Variants in TFAP2D observed in about 807,000 individuals in gnomAD.
TFAP2D encodes transcription factor AP-2-delta.
TFAP2D carries 9 observed loss-of-function variants against 43.6 expected under a neutral mutation model. The observed-to-expected ratio is 0.21, with a 90% CI of 0.12 to 0.36. The LOEUF is 0.36. TFAP2D is among the 10% of genes least tolerant of loss of function. The probability of loss-of-function intolerance (pLI) is 1.00; values close to 1 mark genes in which losing one functional copy is unlikely to be tolerated. For synonymous variants in TFAP2D, 256 were observed against 224.9 expected, an observed-to-expected ratio of 1.14 and a Z score of -1.24; for missense variants, 513 against 561.4, an observed-to-expected ratio of 0.91 and a Z score of 0.87.
chr6:50,730,649 C>A (rs1768873855), intron 5 of TFAP2D, among the ~76,000 whole-genome samples: 1 of 152,154 alleles, frequency 6.6e-6, no homozygotes, highest in African/African-American at 2.4e-5. Flanking sequence ...AGAGGGGATT[C>A]AAGAATCATA....
chr6:50,767,951 T>C (rs1302080632), intron 7 of TFAP2D, among the ~76,000 whole-genome samples: 2 of 152,232 alleles, frequency 1.3e-5, no homozygotes, highest in African/African-American at 4.8e-5. Flanking sequence ...TCATTGAGGA[T>C]AGAGTTTTAG....
intron 5 of TFAP2D, among the ~76,000 whole-genome samples, chr6:50,737,464 AG>A (rs1768980033): frequency 2.6e-5 from 4 of 152,210 alleles, no homozygotes; most frequent in Admixed American, 2.6e-4. Flanking sequence ...GATTAATATA[AG>A]TTTAAATAAA....
At chr6:50,766,849 T>C (rs1769452010) in intron 7 of TFAP2D, among the ~76,000 whole-genome samples, 1 of 151,638 alleles carries the variant, frequency 6.6e-6, no homozygotes, top group South Asian at 2.1e-4. Context: ...TTTGTATTTT[T>C]AGTAGAGATG....
chr6:50,746,465 T>C (rs531903044), intron 6 of TFAP2D, among the ~76,000 whole-genome samples: 284 of 152,234 alleles, frequency 1.9e-3, no homozygotes, highest in African/African-American at 6.7e-3. Context: ...CTCAAACTCC[T>C]GGGTTCAAGC....
At position 50,726,914 on chromosome 6, in the gene TFAP2D, C is replaced by T. The variant is rs539765275; in HGVS notation, c.599-1942C>T. On this transcript the variant is annotated intron_variant, in intron 3 of 7. Transcript: ENST00000008391. ...GTACAGGAGAATTTGTTTTTAGCTC[C>T]TAAAGCAGGTGTTTACATGGTTTGC... Among the ~76,000 whole-genome samples the T allele has an allele frequency of 5.9e-5, 9 of 152,224 alleles. No individual in the cohort carries two copies. In the East Asian group the frequency reaches 1.7e-3, roughly 29 times the overall value.
intron 3 of TFAP2D, among the ~76,000 whole-genome samples, chr6:50,727,308 C>T (rs1190532387): frequency 1.3e-5 from 2 of 152,140 alleles, no homozygotes; most frequent in Admixed American, 6.5e-5. Context: ...TCTGTCTCCT[C>T]AGGTTTGGGA....
In TFAP2D at chr6:50,717,145, T is replaced by G. The variant is rs1581756625; in HGVS notation, c.537+1532T>G. Among the ~76,000 whole-genome samples, 3 of 152,346 alleles carry G rather than the reference T, an allele frequency of 2.0e-5. 1 individual carries two copies. In the Middle Eastern group the frequency reaches 0.01, roughly 518 times the overall value. On this transcript the variant is annotated intron_variant, in intron 2 of 7. Coordinates refer to ENST00000008391, the MANE Select transcript of TFAP2D (RefSeq NM_172238.4). The stretch of plus-strand genomic sequence containing the variant: ...TTAATAGCCGCGTCTGCTGCTGATT[T>G]TTTTGTATCTGTACAAATTTTTTTT...
At chr6:50,748,687 A>G (rs1350031378) in intron 6 of TFAP2D, among the ~76,000 whole-genome samples, 1 of 151,914 alleles carries the variant, frequency 6.6e-6, no homozygotes, top group Non-Finnish European at 1.5e-5. Context: ...GAATCAGACA[A>G]AACGTGTTTA....
intron 7 of TFAP2D, among the ~76,000 whole-genome samples, chr6:50,757,582 AATTATTCTATATATAT>A: frequency 1.3e-5 from 1 of 75,334 alleles, no homozygotes; most frequent in Non-Finnish European, 2.3e-5. Flanking sequence ...GAATATATAT[AATTATTCTATATATAT>A]AGAATATATA....
chr6:50,763,881 C>A (rs533739267), intron 7 of TFAP2D, among the ~76,000 whole-genome samples: 1 of 152,092 alleles, frequency 6.6e-6, no homozygotes, highest in East Asian at 1.9e-4. Context: ...GGCAAACACA[C>A]GAGAAGCTTT....
At chr6:50,725,787 C>T (rs112731489) in intron 3 of TFAP2D, among the ~76,000 whole-genome samples, 27 of 152,252 alleles carry the variant, frequency 1.8e-4, no homozygotes, top group Non-Finnish European at 2.6e-4. Context: ...CTTTTTTCCA[C>T]CTCTCTAAAG....
At position 50,745,189 on chromosome 6, in the gene TFAP2D, C is replaced by T; in HGVS notation, c.966C>T (p.Ala322=). 6.2e-7 allele frequency: 1 copy of T among 1,613,668 alleles called. No homozygotes were observed. The highest frequency in any genetic ancestry group is 1.1e-5 in the South Asian group (1 of 91,052). The change falls in exon 6 of 8, where the codon GCC becomes GCT. Residue 322 remains alanine (A), a synonymous_variant. Coordinates refer to ENST00000008391, the MANE Select transcript of TFAP2D (RefSeq NM_172238.4). ...FPAKAVGEHL[A]RQHMEQKEQT... ...CCAAAGCAGTAGGAGAACATCTTGCCAGACAACATATGGAACAGAAAGAAC... is the reference window on the plus strand; with the variant it reads ...CCAAAGCAGTAGGAGAACATCTTGCTAGACAACATATGGAACAGAAAGAAC...
intron 3 of TFAP2D, among the ~76,000 whole-genome samples, chr6:50,728,507 G>A (rs867475340): frequency 6.6e-6 from 1 of 152,184 alleles, no homozygotes. Flanking sequence ...GTAATACCTA[G>A]TCTTTGTGAG....
intron 5 of TFAP2D, among the ~76,000 whole-genome samples, chr6:50,735,885 T>C (rs1768955836): frequency 6.6e-6 from 1 of 152,190 alleles, no homozygotes; most frequent in South Asian, 2.1e-4. Flanking sequence ...TGCATGAGAC[T>C]TGTAGGCTTG....
intron 5 of TFAP2D, among the ~76,000 whole-genome samples, chr6:50,733,476 G>C (rs1232751099): frequency 3.3e-5 from 5 of 152,184 alleles, no homozygotes; most frequent in Admixed American, 1.3e-4. Context: ...TTCTTGAAGA[G>C]ATGTTGGAAT....
At position 50,713,990 on chromosome 6, in the gene TFAP2D, A is replaced by ATT; in HGVS notation, c.-58_-57dup. ...AAATTGGAAAATACAAGAAGTTTGG[A>ATT]TTTTTTTTTCCCGATTCTTTTTTTG... On this transcript the variant is annotated 5_prime_UTR_variant, in exon 1 of 8. Transcript: ENST00000008391. The ATT allele has an allele frequency of 6.4e-7, 1 of 1,569,230 alleles. No homozygotes were observed.
At chr6:50,717,313 C>T (rs1768643207) in intron 2 of TFAP2D, among the ~76,000 whole-genome samples, 1 of 152,164 alleles carries the variant, frequency 6.6e-6, no homozygotes, top group South Asian at 2.1e-4. Flanking sequence ...GTCATTTATG[C>T]AATGTCATCC....
In TFAP2D at chr6:50,715,481, C is replaced by T. The variant is rs370979856; in HGVS notation, c.405C>T (p.Gly135=). The part of the protein sequence containing the change: ...SCLDEQRREL[G]CLDAYRRHDL... ...TGGACGAGCAGAGGCGGGAGCTGGG[C>T]TGCCTCGATGCCTACCGCCGCCATG... is the stretch of plus-strand genomic sequence containing the variant. The change falls in exon 2 of 8, where the codon GGC becomes GGT. Residue 135 remains glycine, a synonymous_variant. Transcript: ENST00000008391. 37 of 1,613,920 alleles carry T rather than the reference C, an allele frequency of 2.3e-5. No homozygotes were observed. In the Admixed American group the frequency reaches 2.8e-4, roughly 12 times the overall value.
rs1768563586 is a variant in TFAP2D at position 50,713,566 on chromosome 6, T to C, written c.-490T>C. Among the ~76,000 whole-genome samples, 1 of 152,082 alleles carries C rather than the reference T, an allele frequency of 6.6e-6. No individual in the cohort carries two copies. Among genetic ancestry groups the C allele is most frequent in the South Asian group, 2.1e-4 (1 of 4,818 alleles). Reference sequence around the variant, plus strand: ...TTCACAATAAAATGTGTGCAAATACTCTCCACAGAGATAAGTCCCCACCTC... The same window carrying C: ...TTCACAATAAAATGTGTGCAAATACCCTCCACAGAGATAAGTCCCCACCTC... On this transcript the variant is annotated 5_prime_UTR_variant, in exon 1 of 8. Coordinates refer to ENST00000008391, the MANE Select transcript of TFAP2D (RefSeq NM_172238.4).
Sources: gnomAD v4.1 joint callset for allele counts (sites outside exome capture counted in the v4.1 genomes callset) on GRCh38, gnomAD v4.1.1 for gene constraint, MANE v1.5 for transcripts, NCBI Gene and HGNC (gene_info 2026-07-23, HGNC 2026-07-21) for gene names.